CPAMD8: variants seen among roughly 807,000 people sequenced by gnomAD.
CPAMD8 encodes the protein C3 and PZP like alpha-2-macroglobulin domain containing 8, also known as C3 and PZP-like alpha-2-macroglobulin domain-containing protein 8.
A neutral mutation model predicts 224.7 loss-of-function variants in CPAMD8; 146 were observed. The ratio of observed to expected loss-of-function variants is 0.65; its 90% CI spans 0.57 to 0.75. The LOEUF (loss-of-function observed/expected upper bound fraction) is 0.75. Ranked by LOEUF, CPAMD8 falls within the 30% of genes least tolerant of loss-of-function variation. The pLI, the probability that CPAMD8 is intolerant of heterozygous loss-of-function variation, is 0.00. For synonymous variants in CPAMD8, 966 were observed against 1,044.6 expected (o/e 0.92, Z 1.45); for missense variants, 2,301 against 2,537.5 (o/e 0.91, Z 2.00).
chr19:16,895,254 A>C (rs2051914992), intron 41 of CPAMD8: 2 of 151,880 alleles, frequency 1.3e-5, no homozygotes, highest in African/African-American at 2.5e-5. Context: ...TACTAAAAAT[A>C]CAAAAAAAAT....
At chr19:17,008,637 C>T (rs1325956405) in intron 6 of CPAMD8, 78 bp from the exon 7 acceptor site, 3 of 1,474,926 alleles carry the variant, frequency 2.0e-6, no homozygotes, top group Non-Finnish European at 2.8e-6. Flanking sequence ...AGGATTTTCC[C>T]AGTCCTCTCT....
chr19:16,934,330 A>G (rs986990403), intron 23 of CPAMD8, among the ~76,000 whole-genome samples: 7 of 152,346 alleles, frequency 4.6e-5, no homozygotes, highest in African/African-American at 1.7e-4. Flanking sequence ...TATGTCAATT[A>G]TGCCTCAATA....
chr19:16,896,989 A>ACCCCC (rs2052031008), intron 39 of CPAMD8: 3 of 74,236 alleles, frequency 4.0e-5, no homozygotes, highest in Non-Finnish European at 7.0e-5. Context: ...CACCCACCCC[A>ACCCCC]ACCCCACCCC....
In CPAMD8 at chr19:16,897,682, C is replaced by T. The variant is rs1386971110; in HGVS notation, c.5065+9G>A. ...GCGGTGGGGGGCGGCAGTGGCTCCG[C>T]GCACTCACCCGGGCCCCGGGCAGGG... On this transcript the variant is annotated intron_variant, in intron 39 of 41. Transcript: ENST00000443236. The T allele has an allele frequency of 4.8e-6, 7 of 1,461,180 alleles. No homozygotes were observed. Among genetic ancestry groups the T allele is most frequent in the Non-Finnish European group, 4.6e-6 (5 of 1,084,336 alleles). 90.5% of individuals were successfully genotyped at this position (1,461,180 alleles called of 1,614,324 possible). A position where few individuals can be genotyped will look rare whatever the true frequency, so the allele number is the denominator to read the frequency against.
At chr19:16,964,786 C>T (rs1376112889) in intron 18 of CPAMD8, among the ~76,000 whole-genome samples, 2 of 152,106 alleles carry the variant, frequency 1.3e-5, no homozygotes, top group Non-Finnish European at 2.9e-5. Context: ...TGCAAAAATC[C>T]TCAATAAAAT....
At chr19:16,895,918 C>T (rs1357824631) in intron 41 of CPAMD8, 13 of 605,730 alleles carry the variant, frequency 2.1e-5, no homozygotes, top group African/African-American at 5.6e-5. Context: ...CACACACACA[C>T]ACACACACAC....
intron 1 of CPAMD8, among the ~76,000 whole-genome samples, chr19:17,023,640 G>T (rs2057012296): frequency 1.3e-5 from 2 of 151,996 alleles, no homozygotes; most frequent in Non-Finnish European, 2.9e-5. Flanking sequence ...GGAGTGCAGT[G>T]GTGTGATCTC....
At chr19:17,015,156 C>A (rs1212893099) in intron 3 of CPAMD8, among the ~76,000 whole-genome samples, 2 of 152,164 alleles carry the variant, frequency 1.3e-5, no homozygotes, top group Non-Finnish European at 2.9e-5. Context: ...GCAGCAGAAT[C>A]GCTTGAACCC....
chr19:16,943,014 T>G (rs1359704243), intron 22 of CPAMD8, among the ~76,000 whole-genome samples: 1 of 149,440 alleles, frequency 6.7e-6, no homozygotes, highest in Admixed American at 6.6e-5. Context: ...CTTTTTTCTT[T>G]TTTTTTTTTT....
intron 23 of CPAMD8, among the ~76,000 whole-genome samples, chr19:16,931,009 G>A (rs2053529424): frequency 6.6e-6 from 1 of 152,166 alleles, no homozygotes; most frequent in African/African-American, 2.4e-5. Context: ...GTGCCCCGAG[G>A]GCTAACTCCC....
intron 20 of CPAMD8, among the ~76,000 whole-genome samples, chr19:16,948,004 G>A (rs144558199): frequency 2.0e-5 from 3 of 152,210 alleles, no homozygotes; most frequent in African/African-American, 4.8e-5. Context: ...ATACCATGAT[G>A]ACTTGTGTGG....
At chr19:16,984,966 A>C (rs577872831) in intron 13 of CPAMD8, among the ~76,000 whole-genome samples, 90 of 152,292 alleles carry the variant, frequency 5.9e-4, no homozygotes, top group African/African-American at 2.1e-3. Flanking sequence ...ACAAACACTA[A>C]ATGTAAATTA....
Position 16,977,391 on chromosome 19 carries a change from C to T in CPAMD8, c.1735G>A (p.Val579Ile), listed in dbSNP as rs774005699. 6 of 1,612,336 alleles carry T rather than the reference C, an allele frequency of 3.7e-6. No homozygotes were observed. The African/African-American group carries it at 5.3e-5, about 14-fold the overall frequency. ...EGVADSLQFAVETFFENQVSV... is the reference protein window; with the variant it reads ...EGVADSLQFAIETFFENQVSV... ...ACCTGGTTTTCGAAGAAGGTCTCGA[C>T]TGCAAACTGAAGGCTGTCGGCGACC... Residue 579 changes from valine to isoleucine, a missense_variant, in exon 15 of 42, where the codon GTC becomes ATC. Val to Ile is a conservative substitution (Grantham distance 29, BLOSUM62 3). Coordinates refer to ENST00000443236, the MANE Select transcript of CPAMD8 (RefSeq NM_015692.5).
intron 16 of CPAMD8, 42 bp downstream of exon 16, chr19:16,975,960 C>A (rs766691852): frequency 2.0e-6 from 3 of 1,475,896 alleles, no homozygotes; most frequent in Non-Finnish European, 2.7e-6. Flanking sequence ...GAAGGTAAAG[C>A]CCCGTGGAGG....
At chr19:16,993,802 G>T (rs2056038369) in intron 11 of CPAMD8, among the ~76,000 whole-genome samples, 1 of 152,202 alleles carries the variant, frequency 6.6e-6, no homozygotes, top group African/African-American at 2.4e-5. Flanking sequence ...TCCAGGAGTG[G>T]TGGCGTGTGC....
At chr19:16,987,952 C>T (rs1281299390) in intron 13 of CPAMD8, among the ~76,000 whole-genome samples, 1 of 152,140 alleles carries the variant, frequency 6.6e-6, no homozygotes, top group East Asian at 1.9e-4. Context: ...GTGTGAGCCA[C>T]CACGCCCGGT....
intron 9 of CPAMD8, among the ~76,000 whole-genome samples, chr19:17,001,257 A>G (rs555947462): frequency 3.6e-5 from 5 of 137,358 alleles, no homozygotes; most frequent in African/African-American, 1.1e-4. Flanking sequence ...CGGTAGGCAG[A>G]GGTTGCAGAG....
rs143772597 is a variant in CPAMD8 at position 17,008,486 on chromosome 19, C to T, written c.559+19G>A. The stretch of plus-strand genomic sequence containing the variant: ...TTTATCACATCTGCAGCCCCCAAGC[C>T]GCAGAGGAAGAAACTTACCGCAGCA... On this transcript the variant is annotated intron_variant, in intron 7 of 41. Transcript: ENST00000443236. 2.5e-4 allele frequency: 404 copies of T among 1,612,158 alleles called. No individual in the cohort carries two copies. The Middle Eastern group carries it at 2.6e-3, about 10-fold the overall frequency.
intron 13 of CPAMD8, among the ~76,000 whole-genome samples, chr19:16,985,076 C>T (rs2055666100): frequency 1.3e-5 from 2 of 152,070 alleles, no homozygotes; most frequent in South Asian, 4.1e-4. Context: ...AGAAAATGGC[C>T]TTGAGGTCAG....
Sources: allele counts gnomAD v4.1 joint callset (sites outside exome capture counted in the v4.1 genomes callset), GRCh38; gene constraint gnomAD v4.1.1; transcripts MANE v1.5; gene names NCBI Gene and HGNC (gene_info 2026-07-23, HGNC 2026-07-21).